The following USP6NL variants were observed in gnomAD, a reference collection of about 807,000 sequenced individuals.
The protein encoded by USP6NL is USP6 N-terminal-like protein.
Under a neutral mutation model 61.9 loss-of-function variants are expected in USP6NL, and 26 were observed. The observed-to-expected ratio is 0.42, with a 90% confidence interval of 0.31 to 0.58. The LOEUF is 0.58. USP6NL is among the 20% of genes least tolerant of loss of function. The pLI, the probability that USP6NL is intolerant of heterozygous loss-of-function variation, is 0.16. For missense variants in USP6NL, 1,114 were observed against 1,034.3 expected (o/e 1.08, Z -1.06); for synonymous variants, 432 against 390.1 (o/e 1.11, Z -1.27).
At chr10:11,571,796 G>C (rs913034359) in intron 2 of USP6NL, among the ~76,000 whole-genome samples, 1 of 146,222 alleles carries the variant, frequency 6.8e-6, no homozygotes, top group African/African-American at 2.5e-5. Flanking sequence ...TAATGATGAA[G>C]AACACTATTA....
intron 13 of USP6NL, among the ~76,000 whole-genome samples, chr10:11,483,294 G>A (rs1833282733): frequency 6.6e-6 from 1 of 151,654 alleles, no homozygotes. Flanking sequence ...ATTTACAAGG[G>A]TAAAGAAACT....
At chr10:11,521,994 C>G (rs1835228545) in intron 4 of USP6NL, among the ~76,000 whole-genome samples, 1 of 152,194 alleles carries the variant, frequency 6.6e-6, no homozygotes, top group Admixed American at 6.5e-5. Flanking sequence ...TAAACAAGCT[C>G]TGTTTCTCTA....
Position 11,597,181 on chromosome 10 carries a change from G to A in USP6NL, c.4+450C>T, listed in dbSNP as rs538152087. Among the ~76,000 whole-genome samples, 5 of 152,300 alleles carry A rather than the reference G, an allele frequency of 3.3e-5. No individual in the cohort carries two copies. The highest frequency in any genetic ancestry group is 1.3e-4 in the Admixed American group (2 of 15,302). On this transcript the variant is annotated intron_variant, in intron 2 of 14. Coordinates refer to ENST00000609104, the MANE Select transcript of USP6NL (RefSeq NM_014688.5). The surrounding 1 kb of genome is among the most constrained non-coding windows in gnomAD (Gnocchi z 4.6). ...ATCAAATGTGGTTAAGCCCAGGATA[G>A]CCTTGGTTCTTTGTTCTATCAGAGA...
intron 7 of USP6NL, among the ~76,000 whole-genome samples, chr10:11,497,147 C>T (rs1462820965): frequency 2.1e-5 from 3 of 146,030 alleles, no homozygotes; most frequent in African/African-American, 7.6e-5. Context: ...CAGTGGCTCA[C>T]GCCTGTAATC....
At chr10:11,583,934 C>A (rs1010019925) in intron 2 of USP6NL, among the ~76,000 whole-genome samples, 5 of 152,092 alleles carry the variant, frequency 3.3e-5, no homozygotes, top group Admixed American at 1.3e-4. Context: ...GAGGCTGAGG[C>A]AGGAGAATCG....
In USP6NL at chr10:11,481,680, C is replaced by T. The variant is rs1432675652; in HGVS notation, c.1078+90G>A. On this transcript the variant is annotated intron_variant, in intron 14 of 14. Transcript: ENST00000609104. The surrounding 1 kb of genome is among the most constrained non-coding windows in gnomAD (Gnocchi z 4.4). ...TATGTCATCACAAGTATAATGCTTA[C>T]GCTGTGGGCAAGAAACAGCCCATGT... 16 of 1,361,614 alleles carry T rather than the reference C, an allele frequency of 1.2e-5. No homozygotes were observed. Among genetic ancestry groups the T allele is most frequent in the Middle Eastern group, 1.9e-4 (1 of 5,226 alleles). 84.3% of individuals were successfully genotyped at this position (1,361,614 alleles called of 1,614,324 possible).
intron 14 of USP6NL, among the ~76,000 whole-genome samples, chr10:11,475,596 CAAAAA>C (rs35589300): frequency 3.9e-4 from 15 of 38,728 alleles, no homozygotes; most frequent in Non-Finnish European, 6.1e-4. Flanking sequence ...AACTCTGTCG[CAAAAA>C]AAAAAAAAAA....
At chr10:11,609,592 ATCAGAG>A (rs756887437) in intron 1 of USP6NL, among the ~76,000 whole-genome samples, 29 of 152,208 alleles carry the variant, frequency 1.9e-4, no homozygotes, top group Non-Finnish European at 3.8e-4. Flanking sequence ...ACACTTTCTA[ATCAGAG>A]TAATTTTGTT....
intron 13 of USP6NL, among the ~76,000 whole-genome samples, chr10:11,484,470 T>G (rs1833375257): frequency 6.6e-6 from 1 of 151,984 alleles, no homozygotes; most frequent in Non-Finnish European, 1.5e-5. Flanking sequence ...GAGGCCATAA[T>G]GCACTGAGGT....
At chr10:11,477,281 T>C (rs1421332100) in intron 14 of USP6NL, among the ~76,000 whole-genome samples, 2 of 152,184 alleles carry the variant, frequency 1.3e-5, no homozygotes, top group African/African-American at 4.8e-5. Flanking sequence ...AAATTCTGGA[T>C]AATTTTATCA....
chr10:11,542,796 T>C (rs1275541436), intron 2 of USP6NL, among the ~76,000 whole-genome samples: 1 of 151,952 alleles, frequency 6.6e-6, no homozygotes, highest in Non-Finnish European at 1.5e-5. Flanking sequence ...AATGTTACAA[T>C]AAAAAGTCAG....
intron 2 of USP6NL, among the ~76,000 whole-genome samples, chr10:11,590,756 A>G (rs887859242): frequency 6.6e-6 from 1 of 152,174 alleles, no homozygotes; most frequent in East Asian, 1.9e-4. Flanking sequence ...TTTGAAACAT[A>G]ATTCCCCTCT....
Position 11,548,861 on chromosome 10 carries a change from A to C in USP6NL, c.5-21294T>G, listed in dbSNP as rs530536628. ...CAACATTTCTTTAGGTTGCCTGTTAAGTAATAACAAAAAAAGGAAGTTGTA... is the reference window on the plus strand; with the variant it reads ...CAACATTTCTTTAGGTTGCCTGTTACGTAATAACAAAAAAAGGAAGTTGTA... On this transcript the variant is annotated intron_variant, in intron 2 of 14. Coordinates refer to ENST00000609104, the MANE Select transcript of USP6NL (RefSeq NM_014688.5). The surrounding 1 kb of genome is among the most constrained non-coding windows in gnomAD (Gnocchi z 4.3). Among the ~76,000 whole-genome samples the C allele has an allele frequency of 8.5e-5, 13 of 152,324 alleles. No individual in the cohort carries two copies. Among genetic ancestry groups the C allele is most frequent in the African/African-American group, 2.6e-4 (11 of 41,578 alleles).
At position 11,499,381 on chromosome 10, in the gene USP6NL, T is replaced by C. The variant is rs536434332; in HGVS notation, c.384+1720A>G. ...TGTATTAACTGGCCATCTGATAATT[T>C]TATTCTACATAGAAAAAGTCTAAAA... On this transcript the variant is annotated intron_variant, in intron 7 of 14. Coordinates refer to ENST00000609104, the MANE Select transcript of USP6NL (RefSeq NM_014688.5). The surrounding 1 kb of genome is among the most constrained non-coding windows in gnomAD (Gnocchi z 4.5). Among the ~76,000 whole-genome samples the C allele has an allele frequency of 7.8e-4, 119 of 152,204 alleles. No individual in the cohort carries two copies. Among genetic ancestry groups the C allele is most frequent in the Non-Finnish European group, 1.3e-3 (88 of 68,028 alleles).
intron 1 of USP6NL, among the ~76,000 whole-genome samples, chr10:11,599,850 A>G (rs763668980): frequency 4.6e-5 from 7 of 151,488 alleles, no homozygotes; most frequent in Non-Finnish European, 8.8e-5. Flanking sequence ...TCACAGAGAC[A>G]GCATTTCACG....
chr10:11,580,577 A>G (rs1837722145), intron 2 of USP6NL, among the ~76,000 whole-genome samples: 1 of 152,216 alleles, frequency 6.6e-6, no homozygotes. Context: ...GTGATTGTCA[A>G]TCTGCAGTGA....
chr10:11,556,352 T>A (rs1356669278), intron 2 of USP6NL, among the ~76,000 whole-genome samples: 1 of 151,916 alleles, frequency 6.6e-6, no homozygotes, highest in African/African-American at 2.4e-5. Flanking sequence ...ATCCAAAAGA[T>A]GACAAGAAAT....
chr10:11,555,433 A>AAATAT (rs1275798295), intron 2 of USP6NL, among the ~76,000 whole-genome samples: 2 of 49,028 alleles, frequency 4.1e-5, no homozygotes, highest in Admixed American at 3.0e-4. Flanking sequence ...AAAAAAAAAA[A>AAATAT]ATATATATAT....
rs1310143816 is a variant in USP6NL, at chr10:11,520,339, AT to A, written c.156-1766del. On this transcript the variant is annotated intron_variant, in intron 4 of 14. Transcript: ENST00000609104. The surrounding 1 kb of genome is among the most constrained non-coding windows in gnomAD (Gnocchi z 5.2). ...AGATGTTCTGGCATGATTTCTCCAT[AT>A]CTAAAACTTTTCATGGAGAATCTGC... 6.6e-6 allele frequency among the ~76,000 whole-genome samples: 1 copy of A among 152,216 alleles called. No individual in the cohort carries two copies. The highest frequency in any genetic ancestry group is 6.5e-5 in the Admixed American group (1 of 15,282).
Sources: allele counts gnomAD v4.1 joint callset (sites outside exome capture counted in the v4.1 genomes callset), GRCh38; gene constraint gnomAD v4.1.1; non-coding constraint Gnocchi (gnomAD v3.1); transcripts MANE v1.5; gene names NCBI Gene and HGNC (gene_info 2026-07-23, HGNC 2026-07-21).